LMNTD1: variants seen among roughly 807,000 people sequenced by gnomAD.
LMNTD1 encodes lamin tail domain-containing protein 1.
LMNTD1 carries 35 observed loss-of-function variants against 50.9 expected under a neutral mutation model. The ratio of observed to expected loss-of-function variants is 0.69; its 90% confidence interval spans 0.53 to 0.91. The LOEUF (loss-of-function observed/expected upper bound fraction) is 0.91, where lower values mean the gene tolerates loss of function less well. Among genes scored for constraint, LMNTD1 ranks in the 40% least tolerant of loss-of-function variants. LMNTD1 has a pLI of 0.00. For missense variants in LMNTD1, 470 were observed against 475.5 expected, an observed-to-expected ratio of 0.99 and a Z score of 0.11; for synonymous variants, 153 against 161.9, an observed-to-expected ratio of 0.94 and a Z score of 0.42.
chr12:25,503,936 CT>C, intron 8 of LMNTD1, 136 bp from the exon 9 acceptor site: 3 of 542,738 alleles, frequency 5.5e-6, no homozygotes, highest in Non-Finnish European at 6.4e-6. Context: ...AAAGGATTTT[CT>C]TTCACTTGAA....
chr12:25,593,694 C>G (rs911856995), intron 1 of LMNTD1, among the ~76,000 whole-genome samples: 11 of 151,440 alleles, frequency 7.3e-5, no homozygotes, highest in African/African-American at 2.7e-4. Flanking sequence ...GCAATGGGTC[C>G]AAACCAAGAA....
chr12:25,527,070 T>C (rs1349043337), intron 4 of LMNTD1, 115 bp from the exon 5 acceptor site: 27 of 668,100 alleles, frequency 4.0e-5, no homozygotes, highest in Non-Finnish European at 5.8e-5. Flanking sequence ...TATATTCTAT[T>C]GGGCAAGTTC....
Position 25,584,817 on chromosome 12 carries a change from G to T in LMNTD1, c.59-38263C>A, listed in dbSNP as rs1284343013. On this transcript the variant is annotated intron_variant, in intron 1 of 7. Transcript: ENST00000445693. ...CGTGGAAAATTTTCATCATAGACTG[G>T]GGTCTAATACTTATTCAGTAAGGAG... Among the ~76,000 whole-genome samples the T allele has an allele frequency of 2.0e-5, 3 of 152,046 alleles. No homozygotes were observed. The East Asian group carries it at 5.8e-4, about 29-fold the overall frequency.
chr12:25,487,693 A>G (rs1938705108), intron 9 of LMNTD1, among the ~76,000 whole-genome samples: 1 of 123,904 alleles, frequency 8.1e-6, no homozygotes, highest in Non-Finnish European at 1.7e-5. Flanking sequence ...TTAGCTGGTG[A>G]TTTTGCTTGT....
upstream of LMNTD1, among the ~76,000 whole-genome samples, chr12:25,556,178 G>A (rs963910463): frequency 6.6e-6 from 1 of 152,040 alleles, no homozygotes; most frequent in African/African-American, 2.4e-5. Flanking sequence ...TCGCCATGTT[G>A]GCCGGGCTGG....
intron 9 of LMNTD1, among the ~76,000 whole-genome samples, chr12:25,493,631 G>A (rs1339104995): frequency 6.6e-6 from 1 of 152,210 alleles, no homozygotes; most frequent in East Asian, 1.9e-4. Flanking sequence ...TATTGTCAGT[G>A]ATTGGGGCAG....
chr12:25,601,626 T>A (rs966664300), intron 1 of LMNTD1, among the ~76,000 whole-genome samples: 3 of 151,582 alleles, frequency 2.0e-5, no homozygotes, highest in Admixed American at 6.6e-5. Flanking sequence ...AAAATAAAAA[T>A]TTTTTTTAAT....
intron 1 of LMNTD1, among the ~76,000 whole-genome samples, chr12:25,619,613 C>A (rs544631772): frequency 2.2e-4 from 33 of 152,258 alleles, no homozygotes; most frequent in African/African-American, 7.2e-4. Flanking sequence ...TGTTGGTAGG[C>A]AGGCTGTGAT....
At chr12:25,633,825 C>A (rs945885423) in intron 1 of LMNTD1, among the ~76,000 whole-genome samples, 1 of 151,756 alleles carries the variant, frequency 6.6e-6, no homozygotes, top group African/African-American at 2.4e-5. Context: ...ATAACCAAGA[C>A]CAGAGCAGAA....
intron 1 of LMNTD1, among the ~76,000 whole-genome samples, chr12:25,627,892 G>A (rs544595307): frequency 3.3e-5 from 5 of 151,904 alleles, no homozygotes; most frequent in South Asian, 2.1e-4. Flanking sequence ...GGCGGATCAC[G>A]AGGTCAGGAG....
At chr12:25,592,837 C>T (rs7311280) in intron 1 of LMNTD1, 5,989 of 152,300 alleles carry the variant, frequency 0.039, 399 homozygotes, top group African/African-American at 0.13. Context: ...CAGCCCTGTT[C>T]GCCCACTGCC....
intron 1 of LMNTD1, among the ~76,000 whole-genome samples, chr12:25,604,852 C>A (rs149453162): frequency 3.9e-5 from 6 of 151,940 alleles, no homozygotes; most frequent in African/African-American, 9.7e-5. Context: ...TAATCCTTTG[C>A]GTATATACCC....
intron 4 of LMNTD1, among the ~76,000 whole-genome samples, chr12:25,536,804 C>A (rs945852526): frequency 3.3e-5 from 5 of 152,274 alleles, no homozygotes; most frequent in African/African-American, 1.2e-4. Flanking sequence ...TCTGCATTTC[C>A]ATCTGAGGTA....
chr12:25,577,342 G>C lies in LMNTD1; in HGVS notation c.59-30788C>G, dbSNP rs181097719. Among the ~76,000 whole-genome samples the C allele has an allele frequency of 3.6e-3, 545 of 152,262 alleles. 2 individuals carry two copies. The highest frequency in any genetic ancestry group is 0.013 in the African/African-American group (521 of 41,550). On this transcript the variant is annotated intron_variant, in intron 1 of 7. Transcript: ENST00000445693. Reference sequence around the variant, plus strand: ...ATGAGCATGGAATGTTCTTCCATTTGTTTGTGTCCTCTTTTAATTCGTTGA... The same window carrying C: ...ATGAGCATGGAATGTTCTTCCATTTCTTTGTGTCCTCTTTTAATTCGTTGA...
chr12:25,482,555 A>C (rs979795650), intron 9 of LMNTD1, among the ~76,000 whole-genome samples: 1 of 152,026 alleles, frequency 6.6e-6, no homozygotes, highest in African/African-American at 2.4e-5. Flanking sequence ...CTAAATTTTG[A>C]ATATATCTTT....
At chr12:25,617,485 TG>T (rs1946373843) in intron 1 of LMNTD1, among the ~76,000 whole-genome samples, 1 of 151,804 alleles carries the variant, frequency 6.6e-6, no homozygotes, top group African/African-American at 2.4e-5. Context: ...AGCTTATCCG[TG>T]GTAATAGAGG....
chr12:25,637,638 A>C (rs1472872287), intron 1 of LMNTD1, among the ~76,000 whole-genome samples: 1 of 152,156 alleles, frequency 6.6e-6, no homozygotes, highest in Non-Finnish European at 1.5e-5. Flanking sequence ...CACCAACTTC[A>C]TTAAGCACAC....
intron 8 of LMNTD1, among the ~76,000 whole-genome samples, chr12:25,511,493 C>A (rs981583831): frequency 6.6e-6 from 1 of 152,066 alleles, no homozygotes; most frequent in Non-Finnish European, 1.5e-5. Context: ...GGGCATCCAA[C>A]TAGAGATTAT....
At chr12:25,639,177 T>C (rs1946898972) in intron 1 of LMNTD1, among the ~76,000 whole-genome samples, 1 of 152,168 alleles carries the variant, frequency 6.6e-6, no homozygotes, top group African/African-American at 2.4e-5. Context: ...AAATGGATCA[T>C]AGACCTATAT....
Sources: gnomAD v4.1 joint callset for allele counts (sites outside exome capture counted in the v4.1 genomes callset) on GRCh38, gnomAD v4.1.1 for gene constraint, MANE v1.5 for transcripts, NCBI Gene and HGNC (gene_info 2026-07-23, HGNC 2026-07-21) for gene names.